ARVCF: variants seen among roughly 807,000 people sequenced by gnomAD.
ARVCF encodes splicing regulator ARVCF.
A neutral mutation model predicts 90.9 loss-of-function variants in ARVCF; 66 were observed. The observed-to-expected ratio is 0.73, with a 90% confidence interval of 0.60 to 0.89. ARVCF has a LOEUF of 0.89. Among genes scored for constraint, ARVCF ranks in the 40% least tolerant of loss-of-function variants. ARVCF has a pLI of 0.00. For synonymous variants in ARVCF, 653 were observed against 603.4 expected (o/e 1.08, Z -1.21); for missense variants, 1,469 against 1,382.3 (o/e 1.06, Z -1.00).
At chr22:19,996,331 C>T (rs774550349) in intron 2 of ARVCF, among the ~76,000 whole-genome samples, 11 of 149,904 alleles carry the variant, frequency 7.3e-5, no homozygotes, top group Non-Finnish European at 1.5e-4. Context: ...AAAAAAAGGG[C>T]CACACAGTGT....
At position 19,972,509 on chromosome 22, in the gene ARVCF, C is replaced by T. The variant is rs1942872823; in HGVS notation, c.2642-98G>A. ...GCTGGCCCAGGTAGCCCTAGAGGCT[C>T]TCTGTCACTAAGGTGCCCAACCTCT... On this transcript the variant is annotated intron_variant, in intron 16 of 19. Coordinates refer to ENST00000263207, the MANE Select transcript of ARVCF (RefSeq NM_001670.3). 6 of 1,454,582 alleles carry T rather than the reference C, an allele frequency of 4.1e-6. No homozygotes were observed. The South Asian group carries it at 5.9e-5, about 14-fold the overall frequency. 90.1% of individuals were successfully genotyped at this position (1,454,582 alleles called of 1,614,324 possible).
In ARVCF at chr22:19,985,162, C is replaced by G. The variant is rs558339361; in HGVS notation, c.211-3071G>C. ...AGACATGGGCTCTACCCTGAACACC[C>G]CACCTCCAGCCCAATCCCACATGCT... On this transcript the variant is annotated intron_variant, in intron 3 of 19. Transcript: ENST00000263207. Among the ~76,000 whole-genome samples the G allele has an allele frequency of 3.3e-5, 5 of 152,306 alleles. No homozygotes were observed. The East Asian group carries it at 7.7e-4, about 23-fold the overall frequency.
chr22:19,979,331 G>A (rs946245641), intron 6 of ARVCF: 1 of 545,530 alleles, frequency 1.8e-6, no homozygotes, highest in Non-Finnish European at 3.2e-6. Flanking sequence ...TCCCTGCCAT[G>A]TGGCAGGTGG....
intron 3 of ARVCF, among the ~76,000 whole-genome samples, chr22:19,985,385 C>T (rs1348285153): frequency 6.6e-6 from 1 of 152,212 alleles, no homozygotes; most frequent in Non-Finnish European, 1.5e-5. Flanking sequence ...CTCCCTTGGG[C>T]TTGTGGGAGG....
intron 12 of ARVCF, 143 bp from the exon 13 acceptor site, chr22:19,973,936 G>T: frequency 6.8e-7 from 1 of 1,473,884 alleles, no homozygotes; most frequent in Non-Finnish European, 9.1e-7. Flanking sequence ...CACCTCCACC[G>T]AGGTTTTCCC....
At chr22:20,014,487 G>T (rs994230378) in intron 1 of ARVCF, among the ~76,000 whole-genome samples, 1 of 152,216 alleles carries the variant, frequency 6.6e-6, no homozygotes, top group African/African-American at 2.4e-5. Context: ...GAGCCACTGC[G>T]CCCGGCCTCA....
chr22:20,007,946 C>G (rs1280623649), intron 2 of ARVCF, among the ~76,000 whole-genome samples: 1 of 152,182 alleles, frequency 6.6e-6, no homozygotes, highest in African/African-American at 2.4e-5. Flanking sequence ...GAAGAAAAGA[C>G]AGGTGCATCT....
At chr22:20,010,250 A>G (rs1238088351) in intron 2 of ARVCF, among the ~76,000 whole-genome samples, 2 of 152,326 alleles carry the variant, frequency 1.3e-5, no homozygotes, top group East Asian at 3.9e-4. Context: ...TATTCAGGCC[A>G]GTAACAAACC....
In ARVCF at chr22:19,994,754, T is replaced by C. The variant is rs577058605; in HGVS notation, c.-18-3942A>G. Reference sequence around the variant, plus strand: ...GGGGGAATGATGGGAGATGGACATATAGATGAATGGATGGATGGGTGGGTC... The same window carrying C: ...GGGGGAATGATGGGAGATGGACATACAGATGAATGGATGGATGGGTGGGTC... On this transcript the variant is annotated intron_variant, in intron 2 of 19. Transcript: ENST00000263207. Among the ~76,000 whole-genome samples, 41 of 119,634 alleles carry C rather than the reference T, an allele frequency of 3.4e-4. 1 individual carries two copies. In the South Asian group the frequency reaches 9.4e-3, roughly 28 times the overall value. The allele number at this position is 119,634 out of a possible 152,430, so 78.5% of individuals were successfully genotyped here.
At chr22:19,973,359 C>T (rs1942955273) in intron 13 of ARVCF, 42 bp from the exon 14 acceptor site, 18 of 1,541,030 alleles carry the variant, frequency 1.2e-5, no homozygotes, top group South Asian at 7.0e-5. Flanking sequence ...CTCTGCCCCA[C>T]CTCTCCAGGA....
intron 2 of ARVCF, among the ~76,000 whole-genome samples, chr22:19,995,436 C>G (rs1449698735): frequency 6.6e-6 from 1 of 151,996 alleles, no homozygotes; most frequent in Non-Finnish European, 1.5e-5. Context: ...ATGCTGGAAC[C>G]TCACTAAGTG....
At position 19,971,354 on chromosome 22, in the gene ARVCF, C is replaced by T. The variant is rs1485208961; in HGVS notation, c.2782-19G>A. On this transcript the variant is annotated intron_variant, in intron 18 of 19. Coordinates refer to ENST00000263207, the MANE Select transcript of ARVCF (RefSeq NM_001670.3). Reference sequence around the variant, plus strand: ...GGTCGAGCTGCAGCGCACGGGTGGGCATTAGAGGCACAATAGAGCAGGTTA... The same window carrying T: ...GGTCGAGCTGCAGCGCACGGGTGGGTATTAGAGGCACAATAGAGCAGGTTA... 4 of 1,546,696 alleles carry T rather than the reference C, an allele frequency of 2.6e-6. No individual in the cohort carries two copies. Among genetic ancestry groups the T allele is most frequent in the Non-Finnish European group, 3.5e-6 (4 of 1,146,486 alleles).
Position 19,979,015 on chromosome 22 carries a change from T to C in ARVCF, c.1462A>G (p.Thr488Ala). Reference protein sequence around the residue: ...KMVIIDHGLQTLTHEVIVPHS... With the variant: ...KMVIIDHGLQALTHEVIVPHS... The stretch of plus-strand genomic sequence containing the variant: ...GGCACGATCACCTCGTGGGTCAGCG[T>C]CTGCAGGCCATGGTCAATGATGACC... Residue 488 changes from threonine to alanine, a missense_variant, in exon 7 of 20, where the codon ACG becomes GCG. Thr to Ala is a moderately conservative substitution (Grantham distance 58). Coordinates refer to ENST00000263207, the MANE Select transcript of ARVCF (RefSeq NM_001670.3). 2 of 1,613,386 alleles carry C rather than the reference T, an allele frequency of 1.2e-6. No individual in the cohort carries two copies. Among genetic ancestry groups the C allele is most frequent in the South Asian group, 2.2e-5 (2 of 91,076 alleles).
chr22:19,999,151 G>A (rs1291463974), intron 2 of ARVCF, among the ~76,000 whole-genome samples: 6 of 152,280 alleles, frequency 3.9e-5, no homozygotes, highest in Non-Finnish European at 8.8e-5. Flanking sequence ...CAGCCCTGGA[G>A]CCCCTCCTGT....
chr22:20,004,047 C>T (rs965110952), intron 2 of ARVCF, among the ~76,000 whole-genome samples: 27 of 151,956 alleles, frequency 1.8e-4, no homozygotes, highest in Non-Finnish European at 2.9e-4. Flanking sequence ...AATGAATACC[C>T]AGAAATCAGT....
chr22:19,980,908 CA>C, intron 5 of ARVCF: 1 of 386,454 alleles, frequency 2.6e-6, no homozygotes, highest in Non-Finnish European at 4.6e-6. Context: ...GGGACAGAAC[CA>C]GGGGCTGTGA....
At chr22:19,987,394 C>G (rs982610014) in intron 3 of ARVCF, among the ~76,000 whole-genome samples, 1 of 148,506 alleles carries the variant, frequency 6.7e-6, no homozygotes, top group Admixed American at 6.7e-5. Flanking sequence ...CCCACCACCT[C>G]CCCCCACCCA....
At chr22:19,967,404 T>C (rs1324233715), downstream of ARVCF, 1 of 476,730 alleles carries the variant, frequency 2.1e-6, no homozygotes, top group Non-Finnish European at 4.3e-6. Flanking sequence ...TTTTTTTTTT[T>C]TTCTAAATGA....
At chr22:19,968,494 A>C (rs1942549657), downstream of ARVCF, 1 of 1,590,780 alleles carries the variant, frequency 6.3e-7, no homozygotes, top group Non-Finnish European at 8.6e-7. Context: ...TTCTCTGGGC[A>C]CCTCTGACCC....
Sources: gnomAD v4.1 joint callset for allele counts (sites outside exome capture counted in the v4.1 genomes callset) on GRCh38, gnomAD v4.1.1 for gene constraint, MANE v1.5 for transcripts, NCBI Gene and HGNC (gene_info 2026-07-23, HGNC 2026-07-21) for gene names.